Variants in ANKFN1 observed in about 807,000 individuals in gnomAD.
ANKFN1 encodes the protein ankyrin repeat and fibronectin type III domain containing 1, also known as ankyrin repeat and fibronectin type-III domain-containing protein 1.
A neutral mutation model predicts 108.7 loss-of-function variants in ANKFN1; 74 were observed. The ratio of observed to expected loss-of-function variants is 0.68; its 90% CI spans 0.56 to 0.83. ANKFN1 has a LOEUF of 0.83. Among genes scored for constraint, ANKFN1 ranks in the 40% least tolerant of loss-of-function variants. The pLI is 0.00. For missense variants in ANKFN1, 1,505 were observed against 1,382.3 expected, an observed-to-expected ratio of 1.09 and a Z score of -1.41; for synonymous variants, 547 against 516.2, an observed-to-expected ratio of 1.06 and a Z score of -0.81.
At chr17:56,207,033 C>T (rs1914598463) in intron 1 of ANKFN1, 1 of 152,178 alleles carries the variant, frequency 6.6e-6, no homozygotes, top group Admixed American at 6.5e-5. Context: ...GAGGGAGAGG[C>T]CCCTGTCTAA....
chr17:56,135,148 TAAATC>T (rs775137823), intron 4 of ANKFN1, among the ~76,000 whole-genome samples: 1 of 152,150 alleles, frequency 6.6e-6, no homozygotes, highest in African/African-American at 2.4e-5. Context: ...AAAAATAAAA[TAAATC>T]AAAGAATCTA....
chr17:56,442,962 C>T (rs1190055405), intron 10 of ANKFN1, 29 bp downstream of exon 10: 1 of 1,606,990 alleles, frequency 6.2e-7, no homozygotes. Context: ...CTCTCTCCAG[C>T]ATGGTAACAG....
chr17:56,509,839 A>C (rs2051686615), intron 20 of ANKFN1, among the ~76,000 whole-genome samples: 1 of 152,224 alleles, frequency 6.6e-6, no homozygotes, highest in Non-Finnish European at 1.5e-5. Context: ...GAATTTTGCA[A>C]TATTCCGATG....
chr17:56,067,647 C>T (rs1224333497), intron 4 of ANKFN1, among the ~76,000 whole-genome samples: 1 of 152,188 alleles, frequency 6.6e-6, no homozygotes. Context: ...AGGAATGTTA[C>T]CTTTTCTTCC....
chr17:56,278,681 C>G (rs1397447164), intron 3 of ANKFN1, among the ~76,000 whole-genome samples: 1 of 152,144 alleles, frequency 6.6e-6, no homozygotes, highest in Admixed American at 6.5e-5. Flanking sequence ...GAGAATGGAT[C>G]TTTTATTGGT....
intron 1 of ANKFN1, chr17:56,206,389 T>C (rs899948660): frequency 6.6e-6 from 1 of 152,166 alleles, no homozygotes; most frequent in African/African-American, 2.4e-5. Context: ...GATGGATGTA[T>C]ACAGTTTAGT....
chr17:56,504,918 C>A (rs552166726), intron 20 of ANKFN1, among the ~76,000 whole-genome samples: 2 of 151,782 alleles, frequency 1.3e-5, no homozygotes, highest in South Asian at 2.1e-4. Flanking sequence ...AGTGATCCAC[C>A]CGCCTCGGCC....
chr17:56,312,036 G>A (rs1168494795), intron 3 of ANKFN1, among the ~76,000 whole-genome samples: 1 of 152,140 alleles, frequency 6.6e-6, no homozygotes, highest in Admixed American at 6.5e-5. Flanking sequence ...TAAAAAGAAA[G>A]AGCCATTCCT....
chr17:56,116,182 A>G (rs1280895010), intron 4 of ANKFN1, among the ~76,000 whole-genome samples: 2 of 152,062 alleles, frequency 1.3e-5, no homozygotes, highest in Non-Finnish European at 2.9e-5. Flanking sequence ...GCTAGATTGC[A>G]TTCATTGTTT....
intron 20 of ANKFN1, among the ~76,000 whole-genome samples, chr17:56,508,054 GAATGACTT>G (rs1257766935): frequency 1.3e-5 from 2 of 152,200 alleles, no homozygotes; most frequent in African/African-American, 4.8e-5. Flanking sequence ...ATCTTTCAAT[GAATGACTT>G]TCCTGGACTT....
chr17:56,423,551 T>C (rs1051113274), intron 8 of ANKFN1, among the ~76,000 whole-genome samples: 2 of 152,194 alleles, frequency 1.3e-5, no homozygotes, highest in African/African-American at 2.4e-5. Flanking sequence ...CCTCAGCCCC[T>C]ACGTCTTGCC....
At chr17:56,466,650 A>G (rs2050083563) in intron 15 of ANKFN1, 79 bp downstream of exon 15, 10 of 1,265,130 alleles carry the variant, frequency 7.9e-6, no homozygotes, top group Non-Finnish European at 1.1e-5. Flanking sequence ...AAATATTGCA[A>G]GAGCCATTTA....
At chr17:56,473,838 G>A (rs2050408604) in intron 15 of ANKFN1, among the ~76,000 whole-genome samples, 1 of 152,122 alleles carries the variant, frequency 6.6e-6, no homozygotes, top group Admixed American at 6.5e-5. Flanking sequence ...GAATGAAAGA[G>A]TGAGTTACTC....
intron 7 of ANKFN1, 55 bp downstream of exon 7, chr17:56,372,895 C>T (rs1567952535): frequency 1.3e-6 from 2 of 1,531,658 alleles, no homozygotes; most frequent in Non-Finnish European, 8.8e-7. Context: ...CAGTTTGAGA[C>T]AGCCAGGTCT....
chr17:56,174,495 C>A, intron 1 of ANKFN1: 2 of 837,594 alleles, frequency 2.4e-6, no homozygotes, highest in Non-Finnish European at 1.4e-6. Context: ...GCTCCCCCTC[C>A]ATGGAGTCTC....
At chr17:56,200,849 A>G (rs919589454) in intron 1 of ANKFN1, among the ~76,000 whole-genome samples, 7 of 152,216 alleles carry the variant, frequency 4.6e-5, no homozygotes, top group Non-Finnish European at 1.5e-5. Flanking sequence ...AAGTCATCCC[A>G]ATCCTCTATA....
chr17:56,307,299 A>C (rs1411529220), intron 3 of ANKFN1, among the ~76,000 whole-genome samples: 4 of 152,230 alleles, frequency 2.6e-5, no homozygotes, highest in Admixed American at 1.3e-4. Context: ...CAACCTACAG[A>C]ATGGGAGAAA....
intron 7 of ANKFN1, among the ~76,000 whole-genome samples, chr17:56,374,242 C>T (rs1158571602): frequency 2.6e-5 from 4 of 152,086 alleles, no homozygotes; most frequent in Admixed American, 6.5e-5. Context: ...TCCAGTGAAA[C>T]GATGTACTTT....
intron 14 of ANKFN1, among the ~76,000 whole-genome samples, chr17:56,463,359 T>G (rs1375143626): frequency 6.6e-6 from 1 of 152,224 alleles, no homozygotes. Flanking sequence ...TCCTTTCCAG[T>G]ACTTCATCAT....
Sources: allele counts gnomAD v4.1 joint callset (sites outside exome capture counted in the v4.1 genomes callset), GRCh38; gene constraint gnomAD v4.1.1; transcripts MANE v1.5; gene names NCBI Gene and HGNC (gene_info 2026-07-23, HGNC 2026-07-21).